CSK: variants seen among roughly 807,000 people sequenced by gnomAD.
The protein encoded by CSK is tyrosine-protein kinase CSK.
Under a neutral mutation model 62.3 loss-of-function variants are expected in CSK, and 7 were observed. That is an observed-to-expected ratio of 0.11 (90% CI 0.06 to 0.21). CSK has a LOEUF of 0.21. Ranked by LOEUF, CSK falls within the 10% of genes least tolerant of loss-of-function variation. CSK has a pLI of 1.00. For missense variants in CSK, 294 were observed against 613.5 expected (o/e 0.48, Z 5.50); for synonymous variants, 237 against 246.0 (o/e 0.96, Z 0.34).
Position 74,802,617 on chromosome 15 carries a change from G to A in CSK, c.*104G>A, listed in dbSNP as rs770355138. ...GCCCGAGCCTGAACTGAGCCCCAGC[G>A]GGCTGGCGGGCCTTTTTCCTGCGTC... On this transcript the variant is annotated 3_prime_UTR_variant, in exon 13 of 13. Coordinates refer to ENST00000220003, the MANE Select transcript of CSK (RefSeq NM_004383.3). 1.7e-5 allele frequency: 24 copies of A among 1,428,390 alleles called. No individual in the cohort carries two copies. The highest frequency in any genetic ancestry group is 3.8e-5 in the South Asian group (3 of 78,304). The allele number at this position is 1,428,390 out of a possible 1,614,324, so 88.5% of individuals were successfully genotyped here.
chr15:74,799,435 A>G lies in CSK; in HGVS notation c.406A>G (p.Ser136Gly). The G allele has an allele frequency of 6.2e-7, 1 of 1,613,606 alleles. No homozygotes were observed. Among genetic ancestry groups the G allele is most frequent in the East Asian group, 2.2e-5 (1 of 44,890 alleles). The change falls in exon 5 of 13, where the codon AGC becomes GGC. Residue 136 changes from serine to glycine, a missense_variant. By Grantham distance (56) the Ser-to-Gly change is moderately conservative. Around this residue, in one of 3 missense-constraint regions of CSK, gnomAD observed 202 missense variants for 415.7 expected, o/e 0.49. Transcript: ENST00000220003. ...VEHYRIMYHASKLSIDEEVYF... is the reference protein window; with the variant it reads ...VEHYRIMYHAGKLSIDEEVYF... The stretch of plus-strand genomic sequence containing the variant: ...GCACTACCGCATCATGTACCATGCC[A>G]GCAAGCTCAGCATCGACGAGGAGGT...
At chr15:74,796,798 T>C (rs1012242470) in intron 1 of CSK, among the ~76,000 whole-genome samples, 3 of 152,150 alleles carry the variant, frequency 2.0e-5, no homozygotes, top group African/African-American at 2.4e-5. Context: ...TCCCCTTGCA[T>C]TCCTTCCAGT....
intron 1 of CSK, among the ~76,000 whole-genome samples, chr15:74,790,604 C>T (rs1437511475): frequency 2.6e-5 from 4 of 152,278 alleles, no homozygotes; most frequent in Non-Finnish European, 4.4e-5. Flanking sequence ...AGCCCCTTGT[C>T]CCCTAGCCCT....
intron 1 of CSK, among the ~76,000 whole-genome samples, chr15:74,791,325 C>T (rs1274124763): frequency 2.0e-5 from 3 of 151,964 alleles, no homozygotes; most frequent in Non-Finnish European, 4.4e-5. Context: ...AATGAATATT[C>T]ATATATCCTT....
At position 74,786,002 on chromosome 15, in the gene CSK, C is replaced by CTTTTTTTTTTTTTTTTTTTT. The variant is rs536939856; in HGVS notation, c.-66+3294_-66+3295insTTTTTTTTTTTTTTTTTTTT. Among the ~76,000 whole-genome samples, 3 of 73,620 alleles carry CTTTTTTTTTTTTTTTTTTTT rather than the reference C, an allele frequency of 4.1e-5. 1 individual carries two copies. The highest frequency in any genetic ancestry group is 8.6e-4 in the East Asian group (2 of 2,338). The allele number at this position is 73,620 out of a possible 152,430, so 48.3% of individuals were successfully genotyped here. ...AGGCCTCTTCTCTCTCTCTCTCTCTCTTTTTTTTTTTTGTGTGTGTGTGTG... is the reference window on the plus strand; with the variant it reads ...AGGCCTCTTCTCTCTCTCTCTCTCTCTTTTTTTTTTTTTTTTTTTTTTTTTTTTTTTTGTGTGTGTGTGTG... On this transcript the variant is annotated intron_variant, in intron 1 of 12. Transcript: ENST00000220003.
intron 1 of CSK, among the ~76,000 whole-genome samples, chr15:74,789,564 G>A (rs896935354): frequency 6.6e-6 from 1 of 152,194 alleles, no homozygotes; most frequent in Non-Finnish European, 1.5e-5. Context: ...TTGGAGGGGC[G>A]GGCCCAAATC....
At chr15:74,796,463 G>A (rs983379295) in intron 1 of CSK, among the ~76,000 whole-genome samples, 4 of 151,834 alleles carry the variant, frequency 2.6e-5, no homozygotes, top group Admixed American at 6.6e-5. Flanking sequence ...GTGTGGTGGC[G>A]CATGCCTGTG....
intron 6 of CSK, 61 bp from the exon 7 acceptor site, chr15:74,800,619 GC>G: frequency 6.5e-7 from 1 of 1,538,048 alleles, no homozygotes; most frequent in Non-Finnish European, 8.8e-7. Context: ...AGTCCAGTCA[GC>G]CTCTGTCATC....
At chr15:74,795,183 G>A (rs1041325424) in intron 1 of CSK, among the ~76,000 whole-genome samples, 2 of 152,212 alleles carry the variant, frequency 1.3e-5, no homozygotes, top group Admixed American at 6.5e-5. Flanking sequence ...TGTAAGCCCT[G>A]CAATCTTCAG....
intron 1 of CSK, among the ~76,000 whole-genome samples, chr15:74,789,822 G>A (rs2063589725): frequency 6.6e-6 from 1 of 152,148 alleles, no homozygotes; most frequent in African/African-American, 2.4e-5. Flanking sequence ...ACAATCTATT[G>A]AGGCACTGAA....
chr15:74,784,669 G>A (rs531671068), intron 1 of CSK, among the ~76,000 whole-genome samples: 7 of 152,310 alleles, frequency 4.6e-5, no homozygotes, highest in African/African-American at 1.7e-4. Flanking sequence ...AGTGGCCCTC[G>A]GCAAGGGTTG....
At chr15:74,783,478 C>G (rs932083970) in intron 1 of CSK, among the ~76,000 whole-genome samples, 3 of 152,154 alleles carry the variant, frequency 2.0e-5, no homozygotes, top group South Asian at 2.1e-4. Flanking sequence ...ACCCGGGAAC[C>G]GAGGCTCAAA....
intron 12 of CSK, 43 bp downstream of exon 12, chr15:74,802,126 G>T: frequency 6.3e-7 from 1 of 1,595,118 alleles, no homozygotes; most frequent in East Asian, 2.2e-5. Context: ...TGGAGCACCG[G>T]AGGGGTTGGC....
chr15:74,802,343 G>A lies in CSK; in HGVS notation c.1183G>A (p.Val395Ile), dbSNP rs2063805934. ...CCCCTGGCCACAGCCCCTGAAGGAC[G>A]TCGTCCCTCGGGTGGAGAAGGGCTA... is the stretch of plus-strand genomic sequence containing the variant. ...VPYPRIPLKDVVPRVEKGYKM... is the reference protein window; with the variant it reads ...VPYPRIPLKDIVPRVEKGYKM... The change falls in exon 13 of 13, where the codon GTC becomes ATC. Residue 395 changes from valine to isoleucine, a missense_variant. Val to Ile is a conservative substitution (Grantham distance 29). Coordinates refer to ENST00000220003, the MANE Select transcript of CSK (RefSeq NM_004383.3). The A allele has an allele frequency of 2.5e-6, 4 of 1,597,388 alleles. No individual in the cohort carries two copies. Among genetic ancestry groups the A allele is most frequent in the Non-Finnish European group, 3.4e-6 (4 of 1,174,610 alleles).
At chr15:74,801,243 C>T in intron 9 of CSK, 141 bp downstream of exon 9, 1 of 910,800 alleles carries the variant, frequency 1.1e-6, no homozygotes, top group Non-Finnish European at 1.7e-6. Context: ...TCCTGGTTTA[C>T]CATTCATTGA....
At chr15:74,789,345 G>C (rs529567787) in intron 1 of CSK, among the ~76,000 whole-genome samples, 1 of 152,336 alleles carries the variant, frequency 6.6e-6, no homozygotes, top group African/African-American at 2.4e-5. Flanking sequence ...TGAGACACCT[G>C]TGCAGTGGGG....
At chr15:74,792,394 G>A (rs1449349388) in intron 1 of CSK, among the ~76,000 whole-genome samples, 1 of 152,156 alleles carries the variant, frequency 6.6e-6, no homozygotes, top group East Asian at 1.9e-4. Flanking sequence ...ATGGGAAACA[G>A]GTCTGGCTAA....
chr15:74,790,740 C>G (rs1398120672), intron 1 of CSK: 1 of 152,258 alleles, frequency 6.6e-6, no homozygotes, highest in African/African-American at 2.4e-5. Flanking sequence ...TTCATTCATT[C>G]AGCACTCATT....
At chr15:74,801,484 C>T (rs181902017) in intron 9 of CSK, 38 bp from the exon 10 acceptor site, 78 of 1,589,960 alleles carry the variant, frequency 4.9e-5, no homozygotes, top group Non-Finnish European at 6.1e-5. Context: ...CTGCAGGGCA[C>T]GTCTGACCTC....
Sources: allele counts gnomAD v4.1 joint callset (sites outside exome capture counted in the v4.1 genomes callset), GRCh38; gene constraint gnomAD v4.1.1; regional missense constraint gnomAD v4.1.1; transcripts MANE v1.5; gene names NCBI Gene and HGNC (gene_info 2026-07-23, HGNC 2026-07-21).